Variants in TAFA2 observed in about 807,000 individuals in gnomAD.
TAFA2 encodes the protein chemokine-like protein TAFA-2.
Under a neutral mutation model 18.8 loss-of-function variants are expected in TAFA2, and 7 were observed. The ratio of observed to expected loss-of-function variants is 0.37; its 90% confidence interval spans 0.21 to 0.70. TAFA2 has a LOEUF of 0.70. Ranked by LOEUF, TAFA2 falls within the 30% of genes least tolerant of loss-of-function variation. The pLI is 0.53. For synonymous variants in TAFA2, 60 were observed against 54.2 expected (o/e 1.11, Z -0.47); for missense variants, 122 against 158.1 (o/e 0.77, Z 1.23).
At chr12:62,106,408 G>C (rs557750876) in intron 1 of TAFA2, among the ~76,000 whole-genome samples, 12 of 152,102 alleles carry the variant, frequency 7.9e-5, no homozygotes, top group Admixed American at 2.6e-4. Context: ...AAACTATAAA[G>C]GTTTAAGGCG....
intron 1 of TAFA2, among the ~76,000 whole-genome samples, chr12:62,129,855 C>T (rs575753905): frequency 1.6e-4 from 25 of 151,976 alleles, no homozygotes; most frequent in Non-Finnish European, 3.5e-4. Context: ...AAAATACTAT[C>T]TGTGGTGAGA....
At chr12:62,115,240 T>C (rs1458628365) in intron 1 of TAFA2, among the ~76,000 whole-genome samples, 1 of 152,158 alleles carries the variant, frequency 6.6e-6, no homozygotes, top group East Asian at 1.9e-4. Context: ...TTGCACCCTT[T>C]GCACCAAAAT....
chr12:62,062,550 T>C (rs912718909), intron 1 of TAFA2, among the ~76,000 whole-genome samples: 1 of 152,188 alleles, frequency 6.6e-6, no homozygotes, highest in Non-Finnish European at 1.5e-5. Flanking sequence ...CTCCTTGTCT[T>C]GACTTGCTTG....
In TAFA2 at chr12:61,982,702, A is replaced by G. The variant is rs1204864886; in HGVS notation, c.-1-115276T>C. 3.9e-5 allele frequency among the ~76,000 whole-genome samples: 6 copies of G among 151,978 alleles called. No individual in the cohort carries two copies. In the East Asian group the frequency reaches 9.7e-4, roughly 24 times the overall value. The stretch of plus-strand genomic sequence containing the variant: ...ACCTCTCCCAGCAACACCAAAATAT[A>G]TGGATAAGAGAGAAAGATCATCCTC... On this transcript the variant is annotated intron_variant, in intron 1 of 4. Coordinates refer to ENST00000416284, the MANE Select transcript of TAFA2 (RefSeq NM_178539.5).
intron 2 of TAFA2, among the ~76,000 whole-genome samples, chr12:61,822,527 A>C (rs12424350): frequency 0.31 from 47,519 of 151,962 alleles, 7,647 homozygotes; most frequent in South Asian, 0.4. Flanking sequence ...AACTAAGAAA[A>C]CAGTAAGTAG....
intron 1 of TAFA2, among the ~76,000 whole-genome samples, chr12:61,874,221 C>A (rs966354215): frequency 2.0e-5 from 3 of 152,114 alleles, no homozygotes; most frequent in Non-Finnish European, 2.9e-5. Flanking sequence ...ACAAGCTAGT[C>A]ATATGATTAG....
intron 1 of TAFA2, among the ~76,000 whole-genome samples, chr12:62,169,574 G>A (rs1008919787): frequency 2.6e-5 from 4 of 152,128 alleles, no homozygotes; most frequent in African/African-American, 4.8e-5. Flanking sequence ...GTTTTAGGCC[G>A]GGCACAGTGG....
chr12:61,928,212 A>G (rs1877392171), intron 1 of TAFA2, among the ~76,000 whole-genome samples: 1 of 152,212 alleles, frequency 6.6e-6, no homozygotes, highest in African/African-American at 2.4e-5. Flanking sequence ...ATATCATCAG[A>G]GTGTATAGGC....
intron 1 of TAFA2, among the ~76,000 whole-genome samples, chr12:61,982,191 A>G (rs565737913): frequency 6.6e-6 from 1 of 152,304 alleles, no homozygotes; most frequent in Non-Finnish European, 1.5e-5. Flanking sequence ...ATCACAGGAC[A>G]GAAAACCAAA....
chr12:61,897,571 T>C (rs1009305681), intron 1 of TAFA2, among the ~76,000 whole-genome samples: 4 of 110,314 alleles, frequency 3.6e-5, no homozygotes, highest in African/African-American at 9.3e-5. Context: ...AAGGAGGAAC[T>C]GTCCAACACT....
chr12:62,115,365 A>G (rs1869919328), intron 1 of TAFA2, among the ~76,000 whole-genome samples: 1 of 152,116 alleles, frequency 6.6e-6, no homozygotes. Flanking sequence ...TATTTATGAC[A>G]GCATATTACA....
chr12:62,144,035 G>A (rs904675921), intron 1 of TAFA2, among the ~76,000 whole-genome samples: 5 of 124,272 alleles, frequency 4.0e-5, no homozygotes, highest in South Asian at 6.2e-4. Context: ...GTGACAGAGT[G>A]AGACCCTATC....
intron 1 of TAFA2, among the ~76,000 whole-genome samples, chr12:62,189,540 G>A (rs894052093): frequency 6.6e-6 from 1 of 152,166 alleles, no homozygotes; most frequent in Non-Finnish European, 1.5e-5. Flanking sequence ...AGGATGTTAG[G>A]TGCCAATTTT....
intron 1 of TAFA2, among the ~76,000 whole-genome samples, chr12:61,992,549 G>A (rs1445249519): frequency 6.6e-6 from 1 of 152,088 alleles, no homozygotes; most frequent in Non-Finnish European, 1.5e-5. Context: ...GTGAGCCTTT[G>A]ATATAAGTCA....
chr12:62,049,626 T>C (rs918832953), intron 1 of TAFA2, among the ~76,000 whole-genome samples: 1 of 152,132 alleles, frequency 6.6e-6, no homozygotes, highest in East Asian at 1.9e-4. Flanking sequence ...TCATAAAGAT[T>C]GACAATAAAG....
chr12:61,782,911 T>C (rs1399520016), intron 2 of TAFA2, among the ~76,000 whole-genome samples: 1 of 151,714 alleles, frequency 6.6e-6, no homozygotes, highest in Admixed American at 6.6e-5. Flanking sequence ...CTGTTTCCCC[T>C]AGGAAAATTC....
At chr12:61,990,541 A>G (rs1024781866) in intron 1 of TAFA2, among the ~76,000 whole-genome samples, 12 of 151,686 alleles carry the variant, frequency 7.9e-5, no homozygotes, top group African/African-American at 2.7e-4. Context: ...GGGTTTCACC[A>G]TGTTAGCCAG....
At chr12:62,154,802 GA>G (rs759866435) in intron 1 of TAFA2, among the ~76,000 whole-genome samples, 1 of 151,976 alleles carries the variant, frequency 6.6e-6, no homozygotes. Context: ...CAAACAGGAG[GA>G]GTGACTTTCT....
intron 1 of TAFA2, among the ~76,000 whole-genome samples, chr12:62,129,183 T>G (rs576346990): frequency 9.4e-4 from 143 of 152,140 alleles, no homozygotes; most frequent in East Asian, 9.7e-4. Context: ...AATGTTTTTC[T>G]TCTTTTTTAG....
Sources: gnomAD v4.1 joint callset for allele counts (sites outside exome capture counted in the v4.1 genomes callset) on GRCh38, gnomAD v4.1.1 for gene constraint, MANE v1.5 for transcripts, NCBI Gene and HGNC (gene_info 2026-07-23, HGNC 2026-07-21) for gene names.